DIDO1: variants seen among roughly 807,000 people sequenced by gnomAD.
The protein encoded by DIDO1 is death-inducer obliterator 1.
A neutral mutation model predicts 99.4 loss-of-function variants in DIDO1; 16 were observed. That is an observed-to-expected ratio of 0.16 (90% CI 0.11 to 0.24). The LOEUF is 0.24. DIDO1 is among the 10% of genes least tolerant of loss of function. The probability of loss-of-function intolerance (pLI) is 1.00; values close to 1 mark genes in which losing one functional copy is unlikely to be tolerated. For synonymous variants in DIDO1, 1,366 were observed against 1,239.1 expected, an observed-to-expected ratio of 1.10 and a Z score of -2.15; for missense variants, 2,996 against 3,014.0, an observed-to-expected ratio of 0.99 and a Z score of 0.14.
intron 5 of DIDO1, 101 bp from the exon 6 acceptor site, chr20:62,906,201 G>C (rs1024435752): frequency 6.8e-7 from 1 of 1,463,914 alleles, no homozygotes; most frequent in Non-Finnish European, 9.1e-7. Context: ...GTCTTCCTGA[G>C]GCCATCTGAA....
At chr20:62,910,632 A>C (rs8115101) in intron 3 of DIDO1, 142 bp downstream of exon 3, 3 of 1,021,434 alleles carry the variant, frequency 2.9e-6, no homozygotes, top group African/African-American at 3.2e-5. Context: ...AGCCACTCTT[A>C]TGTGTTTCTT....
chr20:62,893,122 C>A (rs1331920137), intron 12 of DIDO1, among the ~76,000 whole-genome samples, 160 bp from the exon 13 acceptor site: 1 of 151,992 alleles, frequency 6.6e-6, no homozygotes. Context: ...GCCTCCCAGG[C>A]TCAGGTGATC....
chr20:62,881,832 G>A lies in DIDO1; in HGVS notation c.4124C>T (p.Ala1375Val). The A allele has an allele frequency of 1.2e-6, 2 of 1,613,518 alleles. No homozygotes were observed. The highest frequency in any genetic ancestry group is 2.2e-5 in the South Asian group (2 of 91,068). ...CCTGTCGTCCTCCTCTTCCTCTAGAGCCTTATCTTTTGAGAACTGACCGAA... is the reference window on the plus strand; with the variant it reads ...CCTGTCGTCCTCCTCTTCCTCTAGAACCTTATCTTTTGAGAACTGACCGAA... ...QQFGQFSKDK[A>V]LEEEEDDRPY... Residue 1375 changes from alanine (A) to valine (V), a missense_variant, in exon 16 of 16, where the codon GCT (alanine) becomes GTT (valine). Physicochemically the swap from Ala to Val is moderately conservative, Grantham distance 64. Coordinates refer to ENST00000395343, the MANE Select transcript of DIDO1 (RefSeq NM_001193369.2). This position sits in a 1 kb window ranked among gnomAD's most constrained non-coding sequence, Gnocchi z 8.3.
chr20:62,910,077 A>G (rs765129786), intron 3 of DIDO1, 57 bp from the exon 4 acceptor site: 62 of 1,531,626 alleles, frequency 4.0e-5, no homozygotes, highest in Non-Finnish European at 5.0e-5. Flanking sequence ...GCACTTTTCA[A>G]CACATTAATA....
chr20:62,905,740 TGG>T, intron 6 of DIDO1, 145 bp downstream of exon 6: 1 of 1,607,112 alleles, frequency 6.2e-7, no homozygotes, highest in South Asian at 1.1e-5. Flanking sequence ...ATCCTGGACA[TGG>T]GCTCTGCTTC....
intron 8 of DIDO1, among the ~76,000 whole-genome samples, chr20:62,895,557 A>G (rs2064500592): frequency 6.6e-6 from 1 of 152,214 alleles, no homozygotes. Context: ...GAAGGAAGAA[A>G]TCATTTCTGT....
Position 62,881,591 on chromosome 20 carries a change from G to T in DIDO1, c.4365C>A (p.Asn1455Lys), listed in dbSNP as rs1272495211. The change falls in exon 16 of 16, where the codon AAC (asparagine) becomes AAA (lysine). Residue 1455 changes from asparagine (N) to lysine (K), a missense_variant. Around this residue, in one of 5 missense-constraint regions of DIDO1, gnomAD observed 1,562 missense variants for 1,412.6 expected, o/e 1.11. Coordinates refer to ENST00000395343, the MANE Select transcript of DIDO1 (RefSeq NM_001193369.2). The surrounding 1 kb of genome is among the most constrained non-coding windows in gnomAD (Gnocchi z 8.3). ...CCGGCTCGGCAGGCCTCTCCACGGA[G>T]TTCCTTCTCACGTCGGCACACATCC... ...PNRMCADVRRNSVERPAEPVA... is the reference protein window; with the variant it reads ...PNRMCADVRRKSVERPAEPVA... 2 of 1,611,750 alleles carry T rather than the reference G, an allele frequency of 1.2e-6. No individual in the cohort carries two copies. The highest frequency in any genetic ancestry group is 3.3e-5 in the Admixed American group (2 of 60,012).
chr20:62,906,939 T>G (rs1249055435), intron 5 of DIDO1, among the ~76,000 whole-genome samples: 1 of 152,198 alleles, frequency 6.6e-6, no homozygotes, highest in African/African-American at 2.4e-5. Context: ...CAGCATTTGC[T>G]TTACTGCACT....
chr20:62,901,926 T>A, intron 6 of DIDO1, among the ~76,000 whole-genome samples: 1 of 152,084 alleles, frequency 6.6e-6, no homozygotes, highest in East Asian at 1.9e-4. Flanking sequence ...AGCTGACCTC[T>A]GCACTCTGTG....
At chr20:62,919,763 C>T (rs535210791) in intron 1 of DIDO1, among the ~76,000 whole-genome samples, 4 of 152,364 alleles carry the variant, frequency 2.6e-5, no homozygotes, top group Admixed American at 6.5e-5. Context: ...GCCAAGCTCC[C>T]CATGTGAGCT....
At chr20:62,885,400 ACT>A (rs1461310676) in intron 15 of DIDO1, among the ~76,000 whole-genome samples, 3 of 152,182 alleles carry the variant, frequency 2.0e-5, no homozygotes, top group Non-Finnish European at 1.5e-5. Flanking sequence ...GTACAAAATC[ACT>A]GTTACGTGGT....
intron 1 of DIDO1, among the ~76,000 whole-genome samples, chr20:62,925,778 A>G (rs2147589530): frequency 6.6e-6 from 1 of 152,278 alleles, no homozygotes; most frequent in Admixed American, 6.5e-5. Context: ...TGGAAGGCAA[A>G]ATGTGTCACA....
At position 62,889,440 on chromosome 20, in the gene DIDO1, G is replaced by A. The variant is rs996085579; in HGVS notation, c.3541+1520C>T. 74 of 985,414 alleles carry A rather than the reference G, an allele frequency of 7.5e-5. No homozygotes were observed. The African/African-American group carries it at 1.1e-3, about 15-fold the overall frequency. 61.0% of individuals were successfully genotyped at this position (985,414 alleles called of 1,614,324 possible). ...GAAGCTCAAGAAAGGATGAAATATC[G>A]CCTCAATTGTTTTAAAAAGGGGAGG... On this transcript the variant is annotated intron_variant, in intron 15 of 15. Coordinates refer to ENST00000395343, the MANE Select transcript of DIDO1 (RefSeq NM_001193369.2).
chr20:62,925,494 A>G (rs1423128108), intron 1 of DIDO1, among the ~76,000 whole-genome samples: 1 of 152,192 alleles, frequency 6.6e-6, no homozygotes, highest in Non-Finnish European at 1.5e-5. Flanking sequence ...CTAGGCTCAA[A>G]TCTCATTCCA....
At chr20:62,925,588 G>C (rs1025086815) in intron 1 of DIDO1, among the ~76,000 whole-genome samples, 3 of 152,210 alleles carry the variant, frequency 2.0e-5, no homozygotes, top group Admixed American at 6.5e-5. Context: ...GTAAGCTACT[G>C]CTACCTGTGG....
At chr20:62,929,628 A>C (rs2147604644), upstream of DIDO1, among the ~76,000 whole-genome samples, 1 of 148,780 alleles carries the variant, frequency 6.7e-6, no homozygotes, top group Admixed American at 6.7e-5. Context: ...AGGAAAAAGG[A>C]ATCACAAAAT....
At chr20:62,910,288 G>C (rs529079935) in intron 3 of DIDO1, among the ~76,000 whole-genome samples, 20 of 152,288 alleles carry the variant, frequency 1.3e-4, no homozygotes, top group African/African-American at 4.3e-4. Context: ...CTGCGACAAT[G>C]CCTTTATCCC....
chr20:62,904,877 G>A, intron 6 of DIDO1: 1 of 605,058 alleles, frequency 1.7e-6, no homozygotes. Flanking sequence ...TTCCCTTAGG[G>A]AATCTGCTCA....
At chr20:62,884,433 C>T (rs1196026238) in intron 15 of DIDO1, among the ~76,000 whole-genome samples, 2 of 152,200 alleles carry the variant, frequency 1.3e-5, no homozygotes, top group African/African-American at 4.8e-5. Context: ...ACCGTAACAA[C>T]TCAACGGTAC....
Sources: gnomAD v4.1 joint callset for allele counts (sites outside exome capture counted in the v4.1 genomes callset) on GRCh38, gnomAD v4.1.1 for gene constraint, gnomAD v4.1.1 regional missense constraint, Gnocchi (gnomAD v3.1) non-coding constraint, MANE v1.5 for transcripts, NCBI Gene and HGNC (gene_info 2026-07-23, HGNC 2026-07-21) for gene names.